Variants in SLC38A6 observed in about 807,000 individuals in gnomAD.
SLC38A6 encodes the protein solute carrier family 38 member 6.
In SLC38A6, 73 loss-of-function variants were observed where a neutral mutation model predicts 65.0. That is an observed-to-expected ratio of 1.12 (90% CI 0.93 to 1.37). SLC38A6 has a LOEUF of 1.37. Among genes scored for constraint, SLC38A6 ranks in the 40% most tolerant of loss-of-function variants. The pLI is 0.00. For missense variants in SLC38A6, 561 were observed against 531.1 expected, an observed-to-expected ratio of 1.06 and a Z score of -0.55; for synonymous variants, 183 against 178.8, an observed-to-expected ratio of 1.02 and a Z score of -0.19.
chr14:61,077,595 A>T (rs564899001), intron 15 of SLC38A6, among the ~76,000 whole-genome samples: 1 of 152,196 alleles, frequency 6.6e-6, no homozygotes, highest in South Asian at 2.1e-4. Flanking sequence ...ACAGGGAAGC[A>T]AAATACTTGG....
chr14:61,016,482 A>T (rs1595091773), intron 4 of SLC38A6, among the ~76,000 whole-genome samples: 1 of 152,308 alleles, frequency 6.6e-6, no homozygotes, highest in African/African-American at 2.4e-5. Context: ...TATTATATAA[A>T]GCCAGTACCA....
intron 3 of SLC38A6, among the ~76,000 whole-genome samples, chr14:60,992,020 A>T (rs2037930277): frequency 6.6e-6 from 1 of 152,202 alleles, no homozygotes; most frequent in Non-Finnish European, 1.5e-5. Flanking sequence ...GGTGGCAATG[A>T]GCCCAACTAA....
chr14:61,006,883 T>C (rs1352457084), intron 3 of SLC38A6, among the ~76,000 whole-genome samples: 2 of 152,146 alleles, frequency 1.3e-5, no homozygotes, highest in African/African-American at 4.8e-5. Flanking sequence ...CATATGTTTA[T>C]TGCGGCACTA....
rs951678314 is a variant in SLC38A6 at position 60,992,893 on chromosome 14, G to C, written c.310+8090G>C. On this transcript the variant is annotated intron_variant, in intron 3 of 15. Transcript: ENST00000267488. Reference sequence around the variant, plus strand: ...GAGGCAGTCTTGCTCTGTCGCCCAGGCTGGAATGCAGTGGTGGATCTTTGC... The same window carrying C: ...GAGGCAGTCTTGCTCTGTCGCCCAGCCTGGAATGCAGTGGTGGATCTTTGC... Among the ~76,000 whole-genome samples, 3 of 151,396 alleles carry C rather than the reference G, an allele frequency of 2.0e-5. No individual in the cohort carries two copies. In the East Asian group the frequency reaches 5.8e-4, roughly 29 times the overall value.
At chr14:61,026,177 G>A (rs923407806) in intron 5 of SLC38A6, among the ~76,000 whole-genome samples, 5 of 151,990 alleles carry the variant, frequency 3.3e-5, no homozygotes, top group African/African-American at 9.7e-5. Context: ...GCTTAATAAC[G>A]ACAACTTGGG....
intron 3 of SLC38A6, among the ~76,000 whole-genome samples, chr14:61,003,927 C>T (rs1276206857): frequency 6.6e-6 from 1 of 152,018 alleles, no homozygotes; most frequent in Non-Finnish European, 1.5e-5. Flanking sequence ...ATTTAAGAGC[C>T]TAATGGTTTT....
chr14:61,018,912 G>A (rs2040180383), intron 4 of SLC38A6, among the ~76,000 whole-genome samples: 1 of 152,174 alleles, frequency 6.6e-6, no homozygotes, highest in African/African-American at 2.4e-5. Flanking sequence ...GAGCTGAGTA[G>A]CACCTGCCCC....
At chr14:61,007,652 G>C (rs1013622335) in intron 3 of SLC38A6, among the ~76,000 whole-genome samples, 4 of 151,676 alleles carry the variant, frequency 2.6e-5, no homozygotes, top group African/African-American at 9.7e-5. Flanking sequence ...AAAAAAATAA[G>C]AATGTACATA....
intron 15 of SLC38A6, among the ~76,000 whole-genome samples, chr14:61,075,242 A>C (rs999186606): frequency 6.6e-6 from 1 of 152,204 alleles, no homozygotes. Flanking sequence ...CCTGAAACTA[A>C]TAAAGTCAGT....
At chr14:61,034,364 T>G (rs1403560904) in intron 6 of SLC38A6, 1 of 151,914 alleles carries the variant, frequency 6.6e-6, no homozygotes, top group African/African-American at 2.4e-5. Context: ...ATTTTTTGTT[T>G]TATTTTATTA....
At chr14:61,015,447 C>G (rs1317489145) in intron 3 of SLC38A6, among the ~76,000 whole-genome samples, 2 of 152,138 alleles carry the variant, frequency 1.3e-5, no homozygotes, top group Non-Finnish European at 2.9e-5. Context: ...GTTGGAAATG[C>G]AGAAATCACC....
At chr14:61,013,689 C>A (rs903794002) in intron 3 of SLC38A6, among the ~76,000 whole-genome samples, 7 of 152,144 alleles carry the variant, frequency 4.6e-5, no homozygotes, top group African/African-American at 1.4e-4. Context: ...AAATTCTTTT[C>A]TTTAAGAATG....
chr14:61,025,499 A>G (rs1299112934), intron 5 of SLC38A6, among the ~76,000 whole-genome samples: 1 of 152,176 alleles, frequency 6.6e-6, no homozygotes, highest in African/African-American at 2.4e-5. Flanking sequence ...GCACTGCCTT[A>G]GAATAGGAGA....
intron 15 of SLC38A6, among the ~76,000 whole-genome samples, chr14:61,065,152 G>A (rs1212053663): frequency 1.3e-5 from 2 of 152,082 alleles, no homozygotes; most frequent in African/African-American, 4.8e-5. Context: ...CTAGAAGCAG[G>A]ATCTGAAATT....
intron 3 of SLC38A6, among the ~76,000 whole-genome samples, chr14:61,014,438 C>G (rs1234990590): frequency 1.3e-5 from 2 of 152,178 alleles, no homozygotes; most frequent in African/African-American, 4.8e-5. Context: ...GAGCTGCTTT[C>G]CTTTGGAGGA....
At chr14:61,054,084 C>T (rs577170562), downstream of SLC38A6, among the ~76,000 whole-genome samples, 4 of 152,260 alleles carry the variant, frequency 2.6e-5, no homozygotes, top group African/African-American at 9.6e-5. Flanking sequence ...CTTCAATCTT[C>T]TGCATATGGC....
At chr14:61,053,778 G>A (rs377571660), downstream of SLC38A6, among the ~76,000 whole-genome samples, 21 of 152,198 alleles carry the variant, frequency 1.4e-4, no homozygotes, top group Admixed American at 7.9e-4. Context: ...CATAGATGCC[G>A]GATATTAGAC....
chr14:61,061,678 T>G (rs964591471), intron 15 of SLC38A6, among the ~76,000 whole-genome samples: 32 of 152,240 alleles, frequency 2.1e-4, no homozygotes, highest in African/African-American at 6.5e-4. Context: ...TGTGGCTTAA[T>G]AGCTCCTTTC....
At chr14:61,043,031 C>T (rs2041903919) in intron 8 of SLC38A6, 116 bp from the exon 9 acceptor site, 1 of 649,198 alleles carries the variant, frequency 1.5e-6, no homozygotes. Flanking sequence ...GTCACAGAAG[C>T]AGAGACTCTT....
Sources: allele counts gnomAD v4.1 joint callset (sites outside exome capture counted in the v4.1 genomes callset), GRCh38; gene constraint gnomAD v4.1.1; transcripts MANE v1.5; gene names NCBI Gene and HGNC (gene_info 2026-07-23, HGNC 2026-07-21).